Variants in ARL17A observed in about 807,000 individuals in gnomAD.
ARL17A encodes the protein ADP-ribosylation factor-like 17-like.
the ARL17A span, among the ~76,000 whole-genome samples, chr17:46,503,199 G>A: frequency 8.1e-6 from 1 of 123,164 alleles, no homozygotes. Context: ...GCGACAGAGG[G>A]AGACTCCGTC....
At chr17:46,516,297 C>T (rs1376125412), downstream of ARL17A, among the ~76,000 whole-genome samples, 1 of 78,648 alleles carries the variant, frequency 1.3e-5, no homozygotes, top group African/African-American at 3.9e-5. Flanking sequence ...AGCAAGACTC[C>T]ATCTCAAAAA....
At chr17:46,551,173 C>T (rs2056770193), downstream of ARL17A, among the ~76,000 whole-genome samples, 1 of 149,308 alleles carries the variant, frequency 6.7e-6, no homozygotes, top group African/African-American at 2.6e-5. Context: ...CATTCCCCCT[C>T]AGATTAGAGA....
At chr17:46,548,658 C>T, downstream of ARL17A, 1 of 1,606,108 alleles carries the variant, frequency 6.2e-7, no homozygotes. Context: ...GCCCAAGGAG[C>T]ATCCAGAAAA....
downstream of ARL17A, among the ~76,000 whole-genome samples, chr17:46,525,314 C>T (rs1465521488): frequency 7.6e-5 from 7 of 92,370 alleles, no homozygotes; most frequent in East Asian, 2.9e-4. Context: ...ATCTGGTGGC[C>T]GGGAGCGGTG....
chr17:46,551,295 T>C (rs1387181416), downstream of ARL17A, among the ~76,000 whole-genome samples: 1 of 150,074 alleles, frequency 6.7e-6, no homozygotes, highest in Non-Finnish European at 1.5e-5. Context: ...GATTACATGA[T>C]GTATTACTTT....
At chr17:46,569,326 G>A (rs1395634133) in intron 3 of ARL17A, among the ~76,000 whole-genome samples, 10 of 149,792 alleles carry the variant, frequency 6.7e-5, no homozygotes, top group Non-Finnish European at 1.3e-4. Flanking sequence ...TAATTTTGGA[G>A]ATGTTATAAT....
rs1568003946 is a variant in ARL17A, at chr17:46,568,784, C to CA, written c.259+1974_259+1975insT. ...TGTGCCACTGCACGAGACCCTGTCTCCAAAAAAAAAAAGGAAAAAAAAAGG... is the reference window on the plus strand; with the variant it reads ...TGTGCCACTGCACGAGACCCTGTCTCACAAAAAAAAAAAGGAAAAAAAAAGG... On this transcript the variant is annotated intron_variant, in intron 3 of 3. Transcript: ENST00000336125. Among the ~76,000 whole-genome samples, 92 of 56,824 alleles carry CA rather than the reference C, an allele frequency of 1.6e-3. 1 individual carries two copies. The highest frequency in any genetic ancestry group is 3.7e-3 in the African/African-American group (56 of 15,034). 37.3% of individuals were successfully genotyped at this position (56,824 alleles called of 152,430 possible). A position where few individuals can be genotyped will look rare whatever the true frequency, so the allele number is the denominator to read the frequency against.
chr17:46,525,572 G>A (rs1191011291), downstream of ARL17A, among the ~76,000 whole-genome samples: 4 of 102,270 alleles, frequency 3.9e-5, no homozygotes, highest in East Asian at 1.1e-3. Context: ...GAGGGACAGA[G>A]TGAGACTCTG....
At chr17:46,558,431 GGCTGGAGTGCAGCA>G (rs2057405048) in intron 3 of ARL17A, among the ~76,000 whole-genome samples, 1 of 113,182 alleles carries the variant, frequency 8.8e-6, no homozygotes, top group Non-Finnish European at 1.8e-5. Context: ...CTGTCACCCA[GGCTGGAGTGCAGCA>G]GCGTGATCTC....
At chr17:46,543,793 AAG>A (rs1398479495) in intron 3 of ARL17A, among the ~76,000 whole-genome samples, 1 of 150,934 alleles carries the variant, frequency 6.6e-6, no homozygotes, top group Admixed American at 6.6e-5. Flanking sequence ...AAAGGAAAAA[AAG>A]AAAATGTTTA....
At chr17:46,529,202 A>G (rs1388838587) in intron 4 of ARL17A, among the ~76,000 whole-genome samples, 1 of 131,946 alleles carries the variant, frequency 7.6e-6, no homozygotes, top group Admixed American at 8.0e-5. Context: ...GAGGGAAAAA[A>G]AAGAACAAGC....
chr17:46,501,276 C>T, the ARL17A span, among the ~76,000 whole-genome samples: 2 of 150,980 alleles, frequency 1.3e-5, no homozygotes, highest in Admixed American at 6.6e-5. Context: ...CCCGGGTTCA[C>T]GCGATTCTCC....
chr17:46,503,119 G>A, the ARL17A span, among the ~76,000 whole-genome samples: 2 of 149,768 alleles, frequency 1.3e-5, no homozygotes, highest in African/African-American at 5.1e-5. Flanking sequence ...GGCTGAGGCA[G>A]GAGAATGGCG....
downstream of ARL17A, among the ~76,000 whole-genome samples, chr17:46,526,753 A>G (rs1159646378): frequency 1.9e-5 from 2 of 103,572 alleles, no homozygotes; most frequent in African/African-American, 3.7e-5. Context: ...CAAGCGCAGT[A>G]AAGTCAAACA....
In ARL17A at chr17:46,544,755, AAATT is replaced by A. The variant is rs1274390726; in HGVS notation, c.260-6333_260-6330del. ...AGTGCCCCCAATAAGCCACAACAATAAATTAATCAATTGTCTCGGTCACCTCTTT... is the reference window on the plus strand; with the variant it reads ...AGTGCCCCCAATAAGCCACAACAATAAATCAATTGTCTCGGTCACCTCTTT... On this transcript the variant is annotated intron_variant, in intron 3 of 4. Coordinates refer to the ARL17A transcript ENST00000329240. 3.1e-5 allele frequency among the ~76,000 whole-genome samples: 3 copies of A among 95,662 alleles called. No homozygotes were observed. The East Asian group carries it at 1.3e-3, about 42-fold the overall frequency. 62.8% of individuals were successfully genotyped at this position (95,662 alleles called of 152,430 possible). A position where few individuals can be genotyped will look rare whatever the true frequency, so the allele number is the denominator to read the frequency against.
intron 3 of ARL17A, among the ~76,000 whole-genome samples, chr17:46,569,209 A>C (rs1363673501): frequency 1.3e-5 from 2 of 151,714 alleles, no homozygotes; most frequent in African/African-American, 2.4e-5. Flanking sequence ...TGGCTTCCCA[A>C]AGTGCTGGGA....
intron 4 of ARL17A, among the ~76,000 whole-genome samples, chr17:46,529,128 C>G (rs1459771643): frequency 1.5e-5 from 2 of 134,986 alleles, no homozygotes; most frequent in African/African-American, 5.5e-5. Context: ...CCTTTCATCT[C>G]TCTCTCCTCA....
rs2056974376 is a variant in ARL17A at position 46,553,186 on chromosome 17, G to C, written c.*4170C>G. ...CATCCACAGATTCTGGTATGGTGTG[G>C]GGGCGGTATCCTAGAACCAATCCCC... On this transcript the variant is annotated 3_prime_UTR_variant, in exon 4 of 4. Coordinates refer to ENST00000336125, the MANE Select transcript of ARL17A (RefSeq NM_001113738.2). The C allele has an allele frequency of 1.2e-6, 1 of 821,676 alleles. No individual in the cohort carries two copies. Among genetic ancestry groups the C allele is most frequent in the Admixed American group, 6.5e-5 (1 of 15,276 alleles). 50.9% of individuals were successfully genotyped at this position (821,676 alleles called of 1,614,324 possible). A position where few individuals can be genotyped will look rare whatever the true frequency, so the allele number is the denominator to read the frequency against.
intron 4 of ARL17A, among the ~76,000 whole-genome samples, chr17:46,532,363 T>TA (rs1366738720): frequency 1.3e-5 from 2 of 150,466 alleles, no homozygotes; most frequent in Non-Finnish European, 2.9e-5. Flanking sequence ...TCATAAGAAA[T>TA]ACTGGTCTGT....
Sources: allele counts gnomAD v4.1 joint callset (sites outside exome capture counted in the v4.1 genomes callset), GRCh38; gene constraint gnomAD v4.1.1; transcripts MANE v1.5; gene names NCBI Gene and HGNC (gene_info 2026-07-23, HGNC 2026-07-21).